The following GABBR2 variants were observed in gnomAD, a reference collection of about 807,000 sequenced individuals.
GABBR2 encodes the protein gamma-aminobutyric acid type B receptor subunit 2, also known as G-protein coupled receptor 51.
A neutral mutation model predicts 105.6 loss-of-function variants in GABBR2; 23 were observed. The observed-to-expected ratio is 0.22, with a 90% CI of 0.16 to 0.31. The LOEUF (loss-of-function observed/expected upper bound fraction) is 0.31. Among genes scored for constraint, GABBR2 ranks in the 10% least tolerant of loss-of-function variants. GABBR2 has a pLI of 1.00. For missense variants in GABBR2, 734 were observed against 1,245.5 expected (o/e 0.59, Z 6.18); for synonymous variants, 478 against 499.7 (o/e 0.96, Z 0.58).
intron 13 of GABBR2, among the ~76,000 whole-genome samples, chr9:98,338,805 A>G (rs1431936091): frequency 1.3e-5 from 2 of 152,252 alleles, no homozygotes; most frequent in Non-Finnish European, 2.9e-5. Flanking sequence ...AACTAAAAGC[A>G]TATGTTCACA....
At chr9:98,702,620 C>T (rs1830845507) in intron 1 of GABBR2, among the ~76,000 whole-genome samples, 1 of 152,198 alleles carries the variant, frequency 6.6e-6, no homozygotes, top group African/African-American at 2.4e-5. Flanking sequence ...ACAAACCCTG[C>T]ATTTCCAAAC....
intron 2 of GABBR2, among the ~76,000 whole-genome samples, chr9:98,560,007 C>T (rs1375280015): frequency 2.0e-5 from 3 of 151,290 alleles, no homozygotes; most frequent in Admixed American, 6.6e-5. Flanking sequence ...CACACACACA[C>T]ACTTGCTCAT....
intron 2 of GABBR2, among the ~76,000 whole-genome samples, chr9:98,545,271 G>C (rs1259414635): frequency 6.6e-6 from 1 of 152,116 alleles, no homozygotes; most frequent in Non-Finnish European, 1.5e-5. Context: ...ATGTGCCCCG[G>C]GTCTAAATCA....
intron 17 of GABBR2, among the ~76,000 whole-genome samples, chr9:98,297,306 C>G (rs991427636): frequency 4.6e-5 from 7 of 152,168 alleles, no homozygotes; most frequent in African/African-American, 1.7e-4. Flanking sequence ...AGACCACTTA[C>G]TACTTATATA....
At chr9:98,485,005 G>C (rs1032318732) in intron 4 of GABBR2, among the ~76,000 whole-genome samples, 1 of 152,186 alleles carries the variant, frequency 6.6e-6, no homozygotes, top group Non-Finnish European at 1.5e-5. Context: ...GGGGTAGGGA[G>C]GGGCAGCCAT....
chr9:98,432,309 G>A (rs1292122802), intron 7 of GABBR2, among the ~76,000 whole-genome samples: 1 of 152,230 alleles, frequency 6.6e-6, no homozygotes, highest in Non-Finnish European at 1.5e-5. Flanking sequence ...AGAGAAAAAG[G>A]GGTGGTGGTT....
chr9:98,505,052 T>C (rs1827478891), intron 3 of GABBR2, among the ~76,000 whole-genome samples: 1 of 152,342 alleles, frequency 6.6e-6, no homozygotes, highest in African/African-American at 2.4e-5. Flanking sequence ...GGTAAGATGG[T>C]TCAGGAAATT....
intron 1 of GABBR2, among the ~76,000 whole-genome samples, chr9:98,695,525 ACTT>A (rs1394752986): frequency 2.6e-5 from 4 of 152,220 alleles, no homozygotes; most frequent in African/African-American, 9.6e-5. Flanking sequence ...ACAGATCACA[ACTT>A]CTTCATTGGC....
chr9:98,664,857 G>T (rs1231283182), intron 1 of GABBR2, among the ~76,000 whole-genome samples: 4 of 152,312 alleles, frequency 2.6e-5, no homozygotes, highest in Admixed American at 2.0e-4. Flanking sequence ...CAGGTGCAGT[G>T]ACTCAAGCTT....
At chr9:98,582,804 A>G (rs768710800) in intron 1 of GABBR2, among the ~76,000 whole-genome samples, 23 of 152,154 alleles carry the variant, frequency 1.5e-4, no homozygotes, top group Non-Finnish European at 2.8e-4. Flanking sequence ...TTTTCACACT[A>G]TGTAAGTTTC....
chr9:98,300,485 G>T (rs536021544), intron 16 of GABBR2, among the ~76,000 whole-genome samples: 97 of 152,282 alleles, frequency 6.4e-4, no homozygotes, highest in African/African-American at 2.2e-3. Context: ...AGTCCTGGGG[G>T]CAATTCAGCC....
At chr9:98,496,066 T>C (rs754532180) in intron 4 of GABBR2, 4 of 239,836 alleles carry the variant, frequency 1.7e-5, no homozygotes, top group Non-Finnish European at 2.4e-5. Flanking sequence ...AAGACTTCTT[T>C]GCTGTGGGCT....
At position 98,648,114 on chromosome 9, in the gene GABBR2, T is replaced by TAGATA. The variant is rs1345087108; in HGVS notation, c.321+60302_321+60303insTATCT. Among the ~76,000 whole-genome samples, 182 of 102,316 alleles carry TAGATA rather than the reference T, an allele frequency of 1.8e-3. 1 individual carries two copies. Among genetic ancestry groups the TAGATA allele is most frequent in the African/African-American group, 4.0e-3 (92 of 22,940 alleles). The allele number at this position is 102,316 out of a possible 152,430, so 67.1% of individuals were successfully genotyped here. On this transcript the variant is annotated intron_variant, in intron 1 of 18. Transcript: ENST00000259455. ...GTGTGTGTGTGTGTGTGTGTGTGTG[T>TAGATA]GTATAGATAGATAGATAGATAGATA... is the stretch of plus-strand genomic sequence containing the variant.
chr9:98,563,111 T>A (rs985832279), intron 2 of GABBR2, among the ~76,000 whole-genome samples: 3 of 144,452 alleles, frequency 2.1e-5, no homozygotes, highest in Non-Finnish European at 4.5e-5. Flanking sequence ...GCAAAAACAC[T>A]GTCTGCATGA....
At chr9:98,434,280 T>C (rs951004330) in intron 7 of GABBR2, among the ~76,000 whole-genome samples, 149 of 152,298 alleles carry the variant, frequency 9.8e-4, no homozygotes, top group African/African-American at 3.4e-3. Flanking sequence ...ACCTCACCTT[T>C]TGATCATATG....
chr9:98,668,971 C>T (rs1189139930), intron 1 of GABBR2, among the ~76,000 whole-genome samples: 1 of 151,486 alleles, frequency 6.6e-6, no homozygotes. Context: ...AGGTTGAGTC[C>T]CCTTTCAGCT....
intron 5 of GABBR2, among the ~76,000 whole-genome samples, chr9:98,478,652 C>A (rs979770983): frequency 1.3e-5 from 2 of 152,172 alleles, no homozygotes; most frequent in African/African-American, 4.8e-5. Flanking sequence ...AGGTAGACAG[C>A]CATGCCATCT....
At chr9:98,701,689 A>C (rs1830831723) in intron 1 of GABBR2, among the ~76,000 whole-genome samples, 1 of 152,120 alleles carries the variant, frequency 6.6e-6, no homozygotes, top group African/African-American at 2.4e-5. Context: ...AGAAAGTGAC[A>C]AACAACTATG....
chr9:98,469,283 A>C (rs1215879875), intron 6 of GABBR2, among the ~76,000 whole-genome samples: 1 of 152,188 alleles, frequency 6.6e-6, no homozygotes, highest in Non-Finnish European at 1.5e-5. Flanking sequence ...AGAGAGAGAG[A>C]GTGAAGGGGG....
Sources: allele counts gnomAD v4.1 joint callset (sites outside exome capture counted in the v4.1 genomes callset), GRCh38; gene constraint gnomAD v4.1.1; transcripts MANE v1.5; gene names NCBI Gene and HGNC (gene_info 2026-07-23, HGNC 2026-07-21).